Variants in IGF2R observed in about 807,000 individuals in gnomAD.
IGF2R encodes cation-independent mannose-6-phosphate receptor.
In IGF2R, 91 loss-of-function variants were observed where a neutral mutation model predicts 270.6. The observed-to-expected ratio is 0.34, with a 90% CI of 0.28 to 0.40. IGF2R has a LOEUF of 0.40. Among genes scored for constraint, IGF2R ranks in the 10% least tolerant of loss-of-function variants. IGF2R has a pLI of 1.00. For missense variants in IGF2R, 2,805 were observed against 3,188.3 expected (o/e 0.88, Z 2.90); for synonymous variants, 1,316 against 1,258.9 (o/e 1.05, Z -0.96).
At chr6:160,038,725 C>T (rs1282522203) in intron 10 of IGF2R, among the ~76,000 whole-genome samples, 4 of 152,022 alleles carry the variant, frequency 2.6e-5, no homozygotes, top group Non-Finnish European at 4.4e-5. Flanking sequence ...TTGTCAGCTG[C>T]GCCCAGGAGG....
intron 1 of IGF2R, among the ~76,000 whole-genome samples, chr6:159,970,460 T>C (rs910395153): frequency 6.6e-6 from 1 of 152,104 alleles, no homozygotes; most frequent in Non-Finnish European, 1.5e-5. Context: ...GGGGTTCTTA[T>C]TTTTCCCATG....
chr6:160,034,635 T>C, intron 10 of IGF2R, 113 bp downstream of exon 10: 3 of 683,610 alleles, frequency 4.4e-6, no homozygotes, highest in Non-Finnish European at 7.7e-6. Flanking sequence ...TCAGATGCCC[T>C]CCTTTGGACT....
chr6:159,981,422 G>T (rs560086207), intron 1 of IGF2R, among the ~76,000 whole-genome samples: 37 of 152,274 alleles, frequency 2.4e-4, no homozygotes, highest in African/African-American at 8.9e-4. Context: ...ACAGGGGCCT[G>T]CCCGTCTCTC....
chr6:159,976,990 G>A (rs1783705224), intron 1 of IGF2R, among the ~76,000 whole-genome samples: 1 of 152,274 alleles, frequency 6.6e-6, no homozygotes, highest in Non-Finnish European at 1.5e-5. Flanking sequence ...TCTGGCTGCC[G>A]CTGTGGACAG....
chr6:160,104,984 C>A lies in IGF2R; in HGVS notation c.7376C>A (p.Ala2459Glu), dbSNP rs8191955. ...DRVGLVRGEK[A>E]RKGKSSSAQQ... ...GTGGGGCTGGTCAGGGGTGAGAAGG[C>A]GAGGAAAGGGAAGTCCAGCTCTGCA... The change falls in exon 48 of 48, where the codon GCG becomes GAG. Residue 2459 changes from alanine to glutamate, a missense_variant. This residue lies in a region of IGF2R where 1,851 missense variants were observed against 2,207.2 expected (regional missense o/e 0.84). Coordinates refer to ENST00000356956, the MANE Select transcript of IGF2R (RefSeq NM_000876.4). The A allele has an allele frequency of 5.0e-6, 8 of 1,613,790 alleles. No individual in the cohort carries two copies. In the African/African-American group the frequency reaches 9.3e-5, roughly 19 times the overall value.
intron 41 of IGF2R, among the ~76,000 whole-genome samples, chr6:160,085,642 TAGTA>T (rs1177893361): frequency 2.0e-5 from 3 of 152,214 alleles, no homozygotes; most frequent in East Asian, 3.9e-4. Flanking sequence ...AGAGGTTTCT[TAGTA>T]AGAGCAATTA....
chr6:160,046,464 C>A, intron 14 of IGF2R, 34 bp from the exon 15 acceptor site: 1 of 1,588,162 alleles, frequency 6.3e-7, no homozygotes, highest in South Asian at 1.1e-5. Context: ...TCGGACTGAC[C>A]TTCCATACTT....
At chr6:160,101,063 A>T (rs938774884) in intron 45 of IGF2R, among the ~76,000 whole-genome samples, 1 of 150,520 alleles carries the variant, frequency 6.6e-6, no homozygotes, top group Non-Finnish European at 1.5e-5. Flanking sequence ...GAGTGCTGGG[A>T]TTACAGGCAT....
In IGF2R at chr6:160,069,896, T is replaced by C. The variant is rs762409503; in HGVS notation, c.4281T>C (p.Cys1427=). 5.6e-6 allele frequency: 9 copies of C among 1,614,074 alleles called. No homozygotes were observed. Among genetic ancestry groups the C allele is most frequent in the Admixed American group, 1.7e-5 (1 of 60,008 alleles). ...CGTGCCCTCCAGAAGCAGCCGCGTGTCTGCTGGGTGGCTCCAAGCCCGTGA... is the reference window on the plus strand; with the variant it reads ...CGTGCCCTCCAGAAGCAGCCGCGTGCCTGCTGGGTGGCTCCAAGCCCGTGA... ...TEPCPPEAAA[C]LLGGSKPVNL... is the part of the protein sequence containing the mutation. The change falls in exon 31 of 48, where the codon TGT becomes TGC. Residue 1427 remains cysteine, a synonymous_variant. Transcript: ENST00000356956.
chr6:160,039,088 G>A (rs990430993), intron 10 of IGF2R, among the ~76,000 whole-genome samples: 14 of 152,192 alleles, frequency 9.2e-5, no homozygotes, highest in Non-Finnish European at 1.6e-4. Context: ...ATAGGAATAT[G>A]TTCTGAGAAA....
intron 2 of IGF2R, among the ~76,000 whole-genome samples, chr6:160,000,425 C>T (rs1255366032): frequency 1.3e-5 from 2 of 152,158 alleles, no homozygotes; most frequent in African/African-American, 2.4e-5. Context: ...GATGGTGCTA[C>T]ACCATTGGAA....
intron 28 of IGF2R, 128 bp downstream of exon 28, chr6:160,064,659 T>A: frequency 1.7e-6 from 2 of 1,180,804 alleles, no homozygotes; most frequent in South Asian, 1.4e-5. Context: ...AATAACCATT[T>A]ACAGAAAATA....
At chr6:160,057,536 G>A (rs539673292) in intron 20 of IGF2R, among the ~76,000 whole-genome samples, 7 of 152,274 alleles carry the variant, frequency 4.6e-5, no homozygotes, top group Non-Finnish European at 5.9e-5. Context: ...TGTGGCCACC[G>A]TCTCCTTCCC....
chr6:160,006,910 A>T (rs1784249448), intron 2 of IGF2R: 3 of 139,016 alleles, frequency 2.2e-5, no homozygotes, highest in African/African-American at 2.7e-5. Context: ...CCCATCTTGT[A>T]TTAATTTTTT....
chr6:159,991,072 G>A (rs573070685), intron 1 of IGF2R, 112 bp from the exon 2 acceptor site: 31 of 1,021,116 alleles, frequency 3.0e-5, no homozygotes, highest in Middle Eastern at 3.0e-4. Context: ...TAAGGAAAGT[G>A]TATTTTCTAG....
At chr6:160,089,389 C>A in intron 43 of IGF2R, 136 bp downstream of exon 43, 3 of 733,640 alleles carry the variant, frequency 4.1e-6, no homozygotes, top group Non-Finnish European at 4.2e-6. Context: ...TCATCGTCAT[C>A]TTTTGCTTAA....
Position 160,073,439 on chromosome 6 carries a change from C to T in IGF2R, c.4917C>T (p.Ser1639=). ...AGCAGACATGCACTCTCTTCTTCTC[C>T]TGGCACACGCCGCTGGCCTGCGAGC... ...LDKQTCTLFF[S]WHTPLACEQA... is the part of the protein sequence containing the mutation. The change falls in exon 34 of 48, where the codon TCC becomes TCT. Residue 1639 remains serine (S), a synonymous_variant. Coordinates refer to ENST00000356956, the MANE Select transcript of IGF2R (RefSeq NM_000876.4). 4 of 1,614,274 alleles carry T rather than the reference C, an allele frequency of 2.5e-6. No homozygotes were observed. The highest frequency in any genetic ancestry group is 1.3e-5 in the African/African-American group (1 of 75,074).
At chr6:160,024,867 C>G (rs931486418) in intron 5 of IGF2R, among the ~76,000 whole-genome samples, 163 bp downstream of exon 5, 4 of 152,164 alleles carry the variant, frequency 2.6e-5, no homozygotes, top group African/African-American at 9.7e-5. Flanking sequence ...CACAACCCAC[C>G]TCTTCTCCCC....
intron 1 of IGF2R, among the ~76,000 whole-genome samples, chr6:159,976,507 CTTCTACATCATTT>C (rs1190410485): frequency 6.6e-6 from 1 of 152,064 alleles, no homozygotes; most frequent in Non-Finnish European, 1.5e-5. Flanking sequence ...CACTCAGTAA[CTTCTACATCATTT>C]TTCTGTTTCT....
Sources: gnomAD v4.1 joint callset for allele counts (sites outside exome capture counted in the v4.1 genomes callset) on GRCh38, gnomAD v4.1.1 for gene constraint, gnomAD v4.1.1 regional missense constraint, MANE v1.5 for transcripts, NCBI Gene and HGNC (gene_info 2026-07-23, HGNC 2026-07-21) for gene names.